JCAD: variants seen among roughly 807,000 people sequenced by gnomAD.
JCAD encodes junctional cadherin 5-associated protein.
A neutral mutation model predicts 98.0 loss-of-function variants in JCAD; 40 were observed. The observed-to-expected ratio is 0.41, with a 90% confidence interval of 0.32 to 0.53. The LOEUF (loss-of-function observed/expected upper bound fraction) is 0.53, where lower values mean the gene tolerates loss of function less well. JCAD is among the 20% of genes least tolerant of loss of function. JCAD has a pLI of 0.31. For synonymous variants in JCAD, 691 were observed against 682.3 expected (o/e 1.01, Z -0.20); for missense variants, 1,705 against 1,738.1 (o/e 0.98, Z 0.34).
intron 1 of JCAD, among the ~76,000 whole-genome samples, chr10:30,076,410 A>C (rs1837981451): frequency 1.3e-5 from 2 of 152,210 alleles, no homozygotes; most frequent in African/African-American, 4.8e-5. Context: ...TGATCAAAAT[A>C]GTTACAATGT....
At position 30,073,942 on chromosome 10, in the gene JCAD, T is replaced by C. The variant is rs151095295; in HGVS notation, n.129-4121A>G. Among the ~76,000 whole-genome samples, 124 of 152,256 alleles carry C rather than the reference T, an allele frequency of 8.1e-4. 2 individuals are homozygous for C. The highest frequency in any genetic ancestry group is 2.7e-3 in the African/African-American group (113 of 41,548). ...ACAAGACTGCGAGATAACACTTTAA[T>C]GAGAAGATTCTTATGTAATGGGAAA... On this transcript the variant is annotated intron_variant and non_coding_transcript_variant, in intron 1 of 2. Coordinates refer to the JCAD transcript ENST00000465712.
At chr10:30,065,014 CTTGT>C in intron 2 of JCAD, among the ~76,000 whole-genome samples, 1 of 152,150 alleles carries the variant, frequency 6.6e-6, no homozygotes, top group Non-Finnish European at 1.5e-5. Context: ...CTCTTGTTGG[CTTGT>C]TTTAGAAAGT....
At chr10:30,022,059 T>A (rs1836670557) in intron 3 of JCAD, among the ~76,000 whole-genome samples, 1 of 152,184 alleles carries the variant, frequency 6.6e-6, no homozygotes, top group African/African-American at 2.4e-5. Flanking sequence ...CTGTGTACGA[T>A]CAATGCCTGG....
At chr10:30,054,814 C>T (rs1450397630) in intron 1 of JCAD, among the ~76,000 whole-genome samples, 1 of 151,600 alleles carries the variant, frequency 6.6e-6, no homozygotes, top group African/African-American at 2.4e-5. Flanking sequence ...GGACTACAGG[C>T]GCCCGCCACC....
At position 30,026,698 on chromosome 10, in the gene JCAD, C is replaced by A. The variant is rs754809307; in HGVS notation, c.3450G>T (p.Lys1150Asn). The A allele has an allele frequency of 1.8e-5, 29 of 1,613,776 alleles. No homozygotes were observed. The highest frequency in any genetic ancestry group is 1.9e-5 in the Non-Finnish European group (23 of 1,180,024). Residue 1150 changes from lysine to asparagine, a missense_variant, in exon 3 of 4, where the codon AAG becomes AAT. This residue lies in a region of JCAD where 1,278 missense variants were observed against 1,243.1 expected (regional missense o/e 1.03). Transcript: ENST00000375377. ...VSTDAFYGRR[K>N]CGWTKSPLFV... ...AGAGAGGGCTCTTGGTCCAGCCGCA[C>A]TTCCTCCTGCCATAAAAGGCATCAG...
At chr10:30,051,481 A>G (rs1837471013) in intron 1 of JCAD, among the ~76,000 whole-genome samples, 2 of 152,248 alleles carry the variant, frequency 1.3e-5, no homozygotes, top group Non-Finnish European at 2.9e-5. Flanking sequence ...TGGGGCTATC[A>G]TAAAGCCTGC....
chr10:30,091,899 G>A (rs563103800), intron 1 of JCAD, among the ~76,000 whole-genome samples: 40 of 145,084 alleles, frequency 2.8e-4, no homozygotes, highest in African/African-American at 4.6e-4. Flanking sequence ...CTGGTGGCAC[G>A]CGCCTGTAAT....
chr10:30,063,253 T>C (rs529610651), upstream of JCAD, among the ~76,000 whole-genome samples: 5 of 152,140 alleles, frequency 3.3e-5, no homozygotes, highest in African/African-American at 1.2e-4. Flanking sequence ...CCTGGGAGCA[T>C]GTGCCAGGAT....
At chr10:30,043,118 G>C (rs1331743577) in intron 2 of JCAD, among the ~76,000 whole-genome samples, 1 of 152,120 alleles carries the variant, frequency 6.6e-6, no homozygotes, top group Non-Finnish European at 1.5e-5. Flanking sequence ...ATGCTCCTTT[G>C]TCTTTCTCCC....
At chr10:30,037,099 G>A (rs1266934785) in intron 2 of JCAD, among the ~76,000 whole-genome samples, 1 of 152,178 alleles carries the variant, frequency 6.6e-6, no homozygotes, top group African/African-American at 2.4e-5. Flanking sequence ...AGGGGCTTTG[G>A]GCATCTCTTT....
At position 30,073,710 on chromosome 10, in the gene JCAD, T is replaced by TTCC. The variant is rs1837935402; in HGVS notation, n.129-3890_129-3889insGGA. 3.9e-4 allele frequency among the ~76,000 whole-genome samples: 17 copies of TTCC among 43,798 alleles called. 2 individuals are homozygous for TTCC. In the South Asian group the frequency reaches 6.1e-3, roughly 16 times the overall value. 28.7% of individuals were successfully genotyped at this position (43,798 alleles called of 152,430 possible). On this transcript the variant is annotated intron_variant and non_coding_transcript_variant, in intron 1 of 2. Coordinates refer to the JCAD transcript ENST00000465712. ...CCTTCCTTCCTTCCTTCCTTCCTTCTTTCCTTCTTTCCTTCCTTCCTTCCC... is the reference window on the plus strand; with the variant it reads ...CCTTCCTTCCTTCCTTCCTTCCTTCTTCCTTCCTTCTTTCCTTCCTTCCTTCCC...
intron 2 of JCAD, among the ~76,000 whole-genome samples, chr10:30,039,842 A>C (rs1837206072): frequency 6.6e-6 from 1 of 151,438 alleles, no homozygotes; most frequent in South Asian, 2.1e-4. Context: ...AGCGTCCTTA[A>C]CTGCCCCTGC....
chr10:30,029,158 C>A lies in JCAD; in HGVS notation c.990G>T (p.Leu330=), dbSNP rs1406117826. The A allele has an allele frequency of 9.3e-6, 15 of 1,614,158 alleles. No individual in the cohort carries two copies. Among genetic ancestry groups the A allele is most frequent in the Non-Finnish European group, 1.2e-5 (14 of 1,180,038 alleles). ...CTGGAGGTTCCAATCCAGGGTCTGACAGGCAGAGCTCATGCCTGGGGACAT... is the reference window on the plus strand; with the variant it reads ...CTGGAGGTTCCAATCCAGGGTCTGAAAGGCAGAGCTCATGCCTGGGGACAT... ...DAYVPRHELC[L]SDPGLEPPVY... is the part of the protein sequence containing the mutation. Residue 330 remains leucine, a synonymous_variant, in exon 3 of 4, where the codon CTG becomes CTT. Transcript: ENST00000375377.
Position 30,059,244 on chromosome 10 carries a change from G to A in JCAD, c.-60+238C>T, listed in dbSNP as rs1382936859. 6.6e-6 allele frequency among the ~76,000 whole-genome samples: 1 copy of A among 151,460 alleles called. No individual in the cohort carries two copies. The highest frequency in any genetic ancestry group is 2.4e-5 in the African/African-American group (1 of 41,320). ...CCTGAGGGGAGGGGACGCCCCTCCC[G>A]GGCTGGCAGGCGCCCTCCACCCCGA... On this transcript the variant is annotated intron_variant, in intron 1 of 3. Coordinates refer to ENST00000375377, the MANE Select transcript of JCAD (RefSeq NM_020848.4). This position sits in a 1 kb window ranked among gnomAD's most constrained non-coding sequence, Gnocchi z 5.0.
At position 30,100,113 on chromosome 10, in the gene JCAD, G is replaced by A. The variant is rs1373300275; in HGVS notation, n.128+15254C>T. Among the ~76,000 whole-genome samples, 3 of 152,174 alleles carry A rather than the reference G, an allele frequency of 2.0e-5. No homozygotes were observed. In the East Asian group the frequency reaches 5.8e-4, roughly 29 times the overall value. ...GAACCCCTTCCCCTCCCTTGTCCAA[G>A]TGTGCTGCTCACCATTGCTCCATCT... On this transcript the variant is annotated intron_variant and non_coding_transcript_variant, in intron 1 of 2. Transcript: ENST00000465712.
At chr10:30,031,577 G>A (rs1226411968) in intron 2 of JCAD, among the ~76,000 whole-genome samples, 4 of 151,086 alleles carry the variant, frequency 2.6e-5, no homozygotes, top group Admixed American at 6.6e-5. Context: ...GAGTAGCTGG[G>A]ATTACAGGCA....
intron 1 of JCAD, among the ~76,000 whole-genome samples, chr10:30,110,361 G>A (rs2488024): frequency 0.35 from 53,415 of 151,722 alleles, 11,158 homozygotes; most frequent in Non-Finnish European, 0.47. Flanking sequence ...CCTGATATAT[G>A]AGCCAGCTGA....
chr10:30,067,751 A>G (rs1240440639), intron 2 of JCAD, among the ~76,000 whole-genome samples: 1 of 152,224 alleles, frequency 6.6e-6, no homozygotes, highest in Non-Finnish European at 1.5e-5. Context: ...AAGTACAGTC[A>G]TGCATCACTT....
intron 1 of JCAD, among the ~76,000 whole-genome samples, chr10:30,087,311 T>G (rs941534150): frequency 6.6e-6 from 1 of 152,038 alleles, no homozygotes; most frequent in Non-Finnish European, 1.5e-5. Flanking sequence ...TGGTGGTGGG[T>G]GCCTGTAATC....
Sources: gnomAD v4.1 joint callset for allele counts (sites outside exome capture counted in the v4.1 genomes callset) on GRCh38, gnomAD v4.1.1 for gene constraint, gnomAD v4.1.1 regional missense constraint, Gnocchi (gnomAD v3.1) non-coding constraint, MANE v1.5 for transcripts, NCBI Gene and HGNC (gene_info 2026-07-23, HGNC 2026-07-21) for gene names.